DLG2: variants seen among roughly 807,000 people sequenced by gnomAD.
The protein encoded by DLG2 is discs large MAGUK scaffold protein 2, also known as disks large homolog 2.
Under a neutral mutation model 132.5 loss-of-function variants are expected in DLG2, and 45 were observed. The ratio of observed to expected loss-of-function variants is 0.34; its 90% CI spans 0.27 to 0.44. The LOEUF (loss-of-function observed/expected upper bound fraction) is 0.44. Among genes scored for constraint, DLG2 ranks in the 20% least tolerant of loss-of-function variants. The pLI is 1.00. For synonymous variants in DLG2, 424 were observed against 419.6 expected (o/e 1.01, Z -0.13); for missense variants, 1,045 against 1,196.9 (o/e 0.87, Z 1.87).
At chr11:84,912,708 A>AT (rs1303781178) in intron 6 of DLG2, among the ~76,000 whole-genome samples, 1 of 152,214 alleles carries the variant, frequency 6.6e-6, no homozygotes, top group Non-Finnish European at 1.5e-5. Context: ...CATCTCCTAT[A>AT]TGGCGTGAGC....
intron 6 of DLG2, among the ~76,000 whole-genome samples, chr11:84,945,177 CT>C (rs905552925): frequency 3.3e-5 from 5 of 152,184 alleles, no homozygotes; most frequent in Admixed American, 2.6e-4. Context: ...ACACATCCTT[CT>C]TGGGAAGGTT....
chr11:84,644,962 T>C (rs1012261257), intron 6 of DLG2, among the ~76,000 whole-genome samples: 2 of 152,190 alleles, frequency 1.3e-5, no homozygotes, highest in African/African-American at 2.4e-5. Context: ...CTCTCATTTA[T>C]AGAAAATTCA....
intron 11 of DLG2, among the ~76,000 whole-genome samples, chr11:84,051,575 G>A (rs1032704682): frequency 5.0e-5 from 7 of 141,102 alleles, no homozygotes; most frequent in African/African-American, 1.6e-4. Flanking sequence ...ACTGAACAAT[G>A]AGAACACATG....
intron 3 of DLG2, among the ~76,000 whole-genome samples, chr11:85,421,082 G>A (rs188301166): frequency 1.3e-5 from 2 of 152,328 alleles, no homozygotes; most frequent in Admixed American, 6.5e-5. Context: ...TGAAAAGCCA[G>A]GGCCCTGGTG....
At chr11:84,550,927 A>T (rs1336347334) in intron 6 of DLG2, among the ~76,000 whole-genome samples, 1 of 152,134 alleles carries the variant, frequency 6.6e-6, no homozygotes, top group Non-Finnish European at 1.5e-5. Flanking sequence ...TTCCTGTACC[A>T]AGAAGCAGTT....
At chr11:84,285,234 C>A (rs1028834850) in intron 7 of DLG2, among the ~76,000 whole-genome samples, 1 of 152,100 alleles carries the variant, frequency 6.6e-6, no homozygotes, top group East Asian at 1.9e-4. Context: ...CTCAAATCTG[C>A]TTCTCTTTCA....
At chr11:85,073,027 A>G (rs2066084521) in intron 6 of DLG2, among the ~76,000 whole-genome samples, 1 of 151,920 alleles carries the variant, frequency 6.6e-6, no homozygotes, top group Non-Finnish European at 1.5e-5. Context: ...TTTATTAGAT[A>G]CTAGTATTTG....
intron 18 of DLG2, among the ~76,000 whole-genome samples, chr11:83,694,534 C>A (rs2153629169): frequency 6.6e-6 from 1 of 152,236 alleles, no homozygotes; most frequent in South Asian, 2.1e-4. Flanking sequence ...TAGCTTCCCT[C>A]CCCCCAGCAC....
At position 85,360,716 on chromosome 11, in the gene DLG2, T is replaced by C. The variant is rs2084076749; in HGVS notation, c.41-75351A>G. Among the ~76,000 whole-genome samples the C allele has an allele frequency of 1.3e-5, 2 of 152,150 alleles. 1 individual carries two copies. Among genetic ancestry groups the C allele is most frequent in the South Asian group, 4.1e-4 (2 of 4,832 alleles). On this transcript the variant is annotated intron_variant, in intron 3 of 27. Coordinates refer to ENST00000376104, the MANE Select transcript of DLG2 (RefSeq NM_001142699.3). ...TTCAAACTTTGCTCACACTTTCAAC[T>C]TTACTGGAAGTGTCCTCCCCTTCTC...
At chr11:85,016,236 T>G (rs2059565065) in intron 6 of DLG2, among the ~76,000 whole-genome samples, 1 of 152,152 alleles carries the variant, frequency 6.6e-6, no homozygotes, top group Non-Finnish European at 1.5e-5. Flanking sequence ...CAGCCTCAGG[T>G]AGTAAGCTTT....
chr11:83,501,310 G>A (rs2094443840), intron 21 of DLG2, among the ~76,000 whole-genome samples: 1 of 151,730 alleles, frequency 6.6e-6, no homozygotes, highest in South Asian at 2.1e-4. Context: ...GCCACAGTAG[G>A]TTACAGGAGC....
At position 84,823,581 on chromosome 11, in the gene DLG2, C is replaced by CCACACACACA. The variant is rs60714512; in HGVS notation, c.357+288070_357+288079dup. Among the ~76,000 whole-genome samples, 1,061 of 134,480 alleles carry CCACACACACA rather than the reference C, an allele frequency of 7.9e-3. 8 individuals carry two copies. Among genetic ancestry groups the CCACACACACA allele is most frequent in the Non-Finnish European group, 0.012 (780 of 62,576 alleles). 88.2% of individuals were successfully genotyped at this position (134,480 alleles called of 152,430 possible). ...CTGTTAGAATGGGATGGTTGTATATCCACACACACACACACACACACACAC... is the reference window on the plus strand; with the variant it reads ...CTGTTAGAATGGGATGGTTGTATATCCACACACACACACACACACACACACACACACACAC... On this transcript the variant is annotated intron_variant, in intron 6 of 27. Coordinates refer to ENST00000376104, the MANE Select transcript of DLG2 (RefSeq NM_001142699.3).
At chr11:84,962,301 T>C (rs192943616) in intron 6 of DLG2, among the ~76,000 whole-genome samples, 48 of 152,340 alleles carry the variant, frequency 3.2e-4, no homozygotes, top group Middle Eastern at 3.4e-3. Context: ...TGCTGGACTC[T>C]TCTATTGCCA....
At chr11:85,103,068 G>A (rs1353993828) in intron 6 of DLG2, among the ~76,000 whole-genome samples, 1 of 151,704 alleles carries the variant, frequency 6.6e-6, no homozygotes, top group East Asian at 1.9e-4. Context: ...GCAAAAGAAG[G>A]GCAAAACTTG....
At chr11:84,622,169 C>T (rs534667555) in intron 6 of DLG2, among the ~76,000 whole-genome samples, 1 of 152,060 alleles carries the variant, frequency 6.6e-6, no homozygotes, top group Non-Finnish European at 1.5e-5. Context: ...GGAAACCTAG[C>T]ATGATTAAGG....
chr11:84,812,386 A>G (rs1246579179), intron 6 of DLG2, among the ~76,000 whole-genome samples: 1 of 152,298 alleles, frequency 6.6e-6, no homozygotes, highest in South Asian at 2.1e-4. Context: ...ACTAACTTAC[A>G]ATGTAAAAGC....
At chr11:83,759,438 C>T (rs11233742) in intron 18 of DLG2, among the ~76,000 whole-genome samples, 4,725 of 152,292 alleles carry the variant, frequency 0.031, 249 homozygotes, top group African/African-American at 0.11. Flanking sequence ...TCAAAATCTG[C>T]TTGACCCCCT....
intron 5 of DLG2, among the ~76,000 whole-genome samples, chr11:85,139,102 C>T (rs1339745515): frequency 6.6e-6 from 1 of 152,112 alleles, no homozygotes; most frequent in Middle Eastern, 3.2e-3. Context: ...TAATTAGAAT[C>T]TCTTCCATCC....
At chr11:84,819,060 C>A (rs1244990440) in intron 6 of DLG2, among the ~76,000 whole-genome samples, 2 of 137,436 alleles carry the variant, frequency 1.5e-5, no homozygotes, top group Non-Finnish European at 3.2e-5. Context: ...CTGGCCCACA[C>A]TCCCTCACTC....
Sources: allele counts gnomAD v4.1 joint callset (sites outside exome capture counted in the v4.1 genomes callset), GRCh38; gene constraint gnomAD v4.1.1; transcripts MANE v1.5; gene names NCBI Gene and HGNC (gene_info 2026-07-23, HGNC 2026-07-21).